The following PRKG1 variants were observed in gnomAD, a reference collection of about 807,000 sequenced individuals.
PRKG1 encodes cGMP-dependent protein kinase 1.
Under a neutral mutation model 88.1 loss-of-function variants are expected in PRKG1, and 35 were observed. The observed-to-expected ratio is 0.40, with a 90% CI of 0.30 to 0.53. The LOEUF (loss-of-function observed/expected upper bound fraction) is 0.53, where lower values mean the gene tolerates loss of function less well. PRKG1 is among the 20% of genes least tolerant of loss of function. The probability of loss-of-function intolerance (pLI) is 0.59; values close to 1 mark genes in which losing one functional copy is unlikely to be tolerated. For missense variants in PRKG1, 540 were observed against 839.8 expected (o/e 0.64, Z 4.41); for synonymous variants, 303 against 292.5 (o/e 1.04, Z -0.37).
At chr10:51,634,000 A>G (rs1036370285) in intron 3 of PRKG1, among the ~76,000 whole-genome samples, 8 of 152,182 alleles carry the variant, frequency 5.3e-5, no homozygotes, top group Middle Eastern at 3.2e-3. Flanking sequence ...TCAGGATTTA[A>G]TAAAAAATGT....
At chr10:51,571,508 C>T (rs1837751045) in intron 3 of PRKG1, among the ~76,000 whole-genome samples, 1 of 151,672 alleles carries the variant, frequency 6.6e-6, no homozygotes, top group Non-Finnish European at 1.5e-5. Flanking sequence ...AAAGAATGAG[C>T]CTGAGAGAAA....
At chr10:51,725,787 C>T (rs1301579486) in intron 3 of PRKG1, among the ~76,000 whole-genome samples, 2 of 152,046 alleles carry the variant, frequency 1.3e-5, no homozygotes, top group African/African-American at 4.8e-5. Flanking sequence ...GCACATGCCA[C>T]CATGCCTGGC....
chr10:52,179,028 C>T (rs1838940718), intron 9 of PRKG1, among the ~76,000 whole-genome samples: 1 of 150,976 alleles, frequency 6.6e-6, no homozygotes, highest in Non-Finnish European at 1.5e-5. Flanking sequence ...CAGGTGAAGA[C>T]TTATTCTTGT....
intron 5 of PRKG1, among the ~76,000 whole-genome samples, chr10:51,923,512 G>T: frequency 6.7e-6 from 1 of 148,700 alleles, no homozygotes; most frequent in African/African-American, 2.5e-5. Context: ...TGCTAATATT[G>T]CTAATACTAA....
At chr10:51,760,152 A>T (rs1388173628) in intron 3 of PRKG1, among the ~76,000 whole-genome samples, 7 of 152,092 alleles carry the variant, frequency 4.6e-5, no homozygotes, top group Non-Finnish European at 1.0e-4. Flanking sequence ...CGATGTGTTA[A>T]TTTTTGTCTA....
At chr10:51,004,237 G>A (rs1279220522) in intron 1 of PRKG1, among the ~76,000 whole-genome samples, 1 of 152,146 alleles carries the variant, frequency 6.6e-6, no homozygotes, top group Non-Finnish European at 1.5e-5. Context: ...GCCAAAGTGG[G>A]CAGATCACCT....
intron 9 of PRKG1, among the ~76,000 whole-genome samples, chr10:52,222,055 C>T (rs1840258062): frequency 6.6e-6 from 1 of 152,152 alleles, no homozygotes; most frequent in Admixed American, 6.5e-5. Flanking sequence ...CCAGCTGCTC[C>T]TCCTTCTCCC....
chr10:51,175,254 G>T (rs575682377), intron 2 of PRKG1, among the ~76,000 whole-genome samples: 2 of 151,818 alleles, frequency 1.3e-5, no homozygotes, highest in Non-Finnish European at 2.9e-5. Flanking sequence ...GCACATATTA[G>T]CTATAAATTC....
chr10:51,791,251 T>C (rs1254658907), intron 3 of PRKG1, among the ~76,000 whole-genome samples: 1 of 152,114 alleles, frequency 6.6e-6, no homozygotes, highest in Non-Finnish European at 1.5e-5. Context: ...TAGGAGCTAT[T>C]TGAGAGCAAG....
chr10:51,684,595 C>T (rs1281905123), intron 3 of PRKG1, among the ~76,000 whole-genome samples: 5 of 151,998 alleles, frequency 3.3e-5, no homozygotes, highest in Admixed American at 6.6e-5. Context: ...TTTGGCCAGG[C>T]GCAGTGGCTC....
intron 3 of PRKG1, among the ~76,000 whole-genome samples, chr10:51,781,746 T>G (rs1322584544): frequency 1.3e-5 from 2 of 152,132 alleles, no homozygotes. Context: ...CAAGTATGTT[T>G]CTATGTCTGT....
intron 4 of PRKG1, among the ~76,000 whole-genome samples, chr10:51,840,877 C>T (rs1440935979): frequency 6.6e-6 from 1 of 152,066 alleles, no homozygotes; most frequent in African/African-American, 2.4e-5. Context: ...GAAACAAATA[C>T]AATGAAGAGT....
At chr10:52,225,217 C>T (rs1196835862) in intron 9 of PRKG1, among the ~76,000 whole-genome samples, 2 of 152,052 alleles carry the variant, frequency 1.3e-5, no homozygotes, top group African/African-American at 4.8e-5. Context: ...TTTTGATTTG[C>T]ATTTCCCTGA....
chr10:51,323,245 C>T (rs1033988603), intron 2 of PRKG1, among the ~76,000 whole-genome samples: 1 of 152,100 alleles, frequency 6.6e-6, no homozygotes, highest in African/African-American at 2.4e-5. Context: ...TTTGTTTCCT[C>T]AAAAATTATA....
intron 3 of PRKG1, among the ~76,000 whole-genome samples, chr10:51,612,151 G>T (rs1838926653): frequency 6.6e-6 from 1 of 151,898 alleles, no homozygotes; most frequent in South Asian, 2.1e-4. Flanking sequence ...ACATTTGAAA[G>T]ATTATTTTGT....
At chr10:51,361,920 T>C (rs1842488946) in intron 2 of PRKG1, among the ~76,000 whole-genome samples, 1 of 151,702 alleles carries the variant, frequency 6.6e-6, no homozygotes, top group Admixed American at 6.6e-5. Flanking sequence ...GCTAGATATT[T>C]TTCTGGAAAC....
At chr10:51,429,128 A>G (rs556784259) in intron 2 of PRKG1, among the ~76,000 whole-genome samples, 1 of 152,330 alleles carries the variant, frequency 6.6e-6, no homozygotes, top group African/African-American at 2.4e-5. Flanking sequence ...ATCCATTGGG[A>G]AAAGTAAGAG....
At position 51,515,069 on chromosome 10, in the gene PRKG1, A is replaced by G. The variant is rs184918055; in HGVS notation, c.592+47233A>G. On this transcript the variant is annotated intron_variant, in intron 3 of 17. Coordinates refer to ENST00000373980, the MANE Select transcript of PRKG1 (RefSeq NM_006258.4). ...TGGCAAATGCTTCCTGGGAAGTAAA[A>G]CTGACACCCTGCCTCCCATGAGACA... 3.4e-4 allele frequency among the ~76,000 whole-genome samples: 52 copies of G among 152,286 alleles called. 2 individuals are homozygous for G. Among genetic ancestry groups the G allele is most frequent in the Admixed American group, 2.7e-3 (42 of 15,288 alleles).
chr10:51,493,134 C>T (rs751199536), intron 3 of PRKG1, among the ~76,000 whole-genome samples: 1 of 152,062 alleles, frequency 6.6e-6, no homozygotes, highest in Non-Finnish European at 1.5e-5. Context: ...GGTCATTACC[C>T]TGATCTTATT....
Sources: gnomAD v4.1 joint callset for allele counts (sites outside exome capture counted in the v4.1 genomes callset) on GRCh38, gnomAD v4.1.1 for gene constraint, MANE v1.5 for transcripts, NCBI Gene and HGNC (gene_info 2026-07-23, HGNC 2026-07-21) for gene names.